DBT: variants seen among roughly 807,000 people sequenced by gnomAD.
DBT encodes dihydrolipoamide branched chain transacylase E2.
Under a neutral mutation model 51.3 loss-of-function variants are expected in DBT, and 40 were observed. That is an observed-to-expected ratio of 0.78 (90% CI 0.61 to 1.02). DBT has a LOEUF of 1.02. Ranked by LOEUF, DBT falls within the 50% of genes least tolerant of loss-of-function variation. The pLI is 0.00. For synonymous variants in DBT, 181 were observed against 190.4 expected (o/e 0.95, Z 0.41); for missense variants, 510 against 580.2 (o/e 0.88, Z 1.24).
rs113229931 is a variant in DBT, at chr1:100,205,926, G to A, written c.1281+304C>T. 3.9e-4 allele frequency among the ~76,000 whole-genome samples: 60 copies of A among 152,218 alleles called. 1 individual carries two copies. Among genetic ancestry groups the A allele is most frequent in the African/African-American group, 1.2e-3 (49 of 41,546 alleles). ...GAACACCATACACTGGGGACCTGTC[G>A]TGGGGTCTGGGGCTAGGGGAGGAAT... is the stretch of plus-strand genomic sequence containing the variant. On this transcript the variant is annotated intron_variant, in intron 10 of 10. Transcript: ENST00000370132.
intron 1 of DBT, among the ~76,000 whole-genome samples, chr1:100,245,211 A>G (rs927714590): frequency 6.6e-6 from 1 of 151,580 alleles, no homozygotes; most frequent in Admixed American, 6.6e-5. Context: ...CCCATCTCAA[A>G]TAATAATAAT....
chr1:100,199,399 TAATGA>T (rs1661300881), intron 10 of DBT, among the ~76,000 whole-genome samples: 1 of 152,226 alleles, frequency 6.6e-6, no homozygotes, highest in African/African-American at 2.4e-5. Flanking sequence ...TTCTTTGGTA[TAATGA>T]AATAAAGATA....
At chr1:100,204,767 A>C (rs1661666103) in intron 10 of DBT, among the ~76,000 whole-genome samples, 1 of 152,178 alleles carries the variant, frequency 6.6e-6, no homozygotes, top group Non-Finnish European at 1.5e-5. Flanking sequence ...AGATAGACCA[A>C]TGGAACCGCA....
intron 7 of DBT, among the ~76,000 whole-genome samples, chr1:100,214,349 C>G (rs1662358400): frequency 6.6e-6 from 1 of 152,100 alleles, no homozygotes; most frequent in Non-Finnish European, 1.5e-5. Context: ...TTATAATTTC[C>G]TATTGAACAA....
intron 1 of DBT, among the ~76,000 whole-genome samples, chr1:100,246,788 A>G (rs1369624715): frequency 1.3e-5 from 2 of 152,344 alleles, no homozygotes; most frequent in East Asian, 1.9e-4. Context: ...GTGAAAGGTA[A>G]AGACAAGTAA....
In DBT at chr1:100,210,754, T is replaced by C; in HGVS notation, c.957A>G (p.Leu319=). The change falls in exon 8 of 11, where the codon TTA becomes TTG. Residue 319 remains leucine, a synonymous_variant. Transcript: ENST00000370132. ...PFFLKAASLG[L]LQFPILNASV... is the part of the protein sequence containing the mutation. ...AAGCGTTAAGGATAGGAAACTGTAG[T>C]AATCCCAAGGAAGCAGCCTGTTTAA... is the stretch of plus-strand genomic sequence containing the variant. The C allele has an allele frequency of 1.2e-6, 2 of 1,613,652 alleles. No individual in the cohort carries two copies. Among genetic ancestry groups the C allele is most frequent in the Non-Finnish European group, 1.7e-6 (2 of 1,179,626 alleles).
intron 4 of DBT, among the ~76,000 whole-genome samples, chr1:100,226,608 T>C (rs550687051): frequency 2.5e-4 from 38 of 152,234 alleles, no homozygotes; most frequent in Admixed American, 5.9e-4. Flanking sequence ...AAAAGAAATT[T>C]AGAATCAAAG....
At chr1:100,218,940 G>A (rs1330302015) in intron 4 of DBT, among the ~76,000 whole-genome samples, 193 bp from the exon 5 acceptor site, 1 of 151,414 alleles carries the variant, frequency 6.6e-6, no homozygotes, top group African/African-American at 2.4e-5. Flanking sequence ...AGTGGGGGGG[G>A]GGGTGTGTGC....
chr1:100,216,595 A>G (rs894135526), intron 5 of DBT, among the ~76,000 whole-genome samples: 7 of 152,180 alleles, frequency 4.6e-5, no homozygotes, highest in Admixed American at 1.3e-4. Flanking sequence ...TTACATTTTT[A>G]TACTCAAGTA....
chr1:100,222,574 A>G (rs988066616), intron 4 of DBT, among the ~76,000 whole-genome samples: 2 of 152,198 alleles, frequency 1.3e-5, no homozygotes, highest in Non-Finnish European at 2.9e-5. Context: ...AACCTCTCAG[A>G]GTCTCAATGG....
At chr1:100,210,094 T>G (rs1043485177) in intron 8 of DBT, among the ~76,000 whole-genome samples, 6 of 151,870 alleles carry the variant, frequency 4.0e-5, no homozygotes, top group Admixed American at 3.9e-4. Flanking sequence ...GGAGGATTGC[T>G]TAGACCAGAA....
At chr1:100,207,525 T>C (rs1406926739) in intron 8 of DBT, among the ~76,000 whole-genome samples, 2 of 151,010 alleles carry the variant, frequency 1.3e-5, no homozygotes, top group East Asian at 3.9e-4. Context: ...AAGAGAAAAA[T>C]GCAGCCATTG....
intron 10 of DBT, among the ~76,000 whole-genome samples, chr1:100,204,609 AT>A (rs1661652335): frequency 6.6e-6 from 1 of 152,094 alleles, no homozygotes; most frequent in African/African-American, 2.4e-5. Context: ...ACTACTTTAA[AT>A]TTTATATGGA....
intron 10 of DBT, among the ~76,000 whole-genome samples, chr1:100,202,126 T>C (rs1661470807): frequency 6.6e-6 from 1 of 151,464 alleles, no homozygotes; most frequent in Non-Finnish European, 1.5e-5. Flanking sequence ...GGATAAAGAG[T>C]CAAGACCCAT....
chr1:100,213,719 T>C, intron 7 of DBT: 4 of 1,576,362 alleles, frequency 2.5e-6, no homozygotes, highest in Non-Finnish European at 3.4e-6. Context: ...CTTTTTCTAA[T>C]GTAAATGTTG....
At chr1:100,212,760 C>T (rs1458277979) in intron 7 of DBT, among the ~76,000 whole-genome samples, 1 of 152,064 alleles carries the variant, frequency 6.6e-6, no homozygotes, top group African/African-American at 2.4e-5. Context: ...GGTGTTTGAT[C>T]GAGAAGAACG....
intron 8 of DBT, 100 bp from the exon 9 acceptor site, chr1:100,206,736 C>A: frequency 2.6e-6 from 2 of 770,892 alleles, no homozygotes; most frequent in East Asian, 2.4e-5. Flanking sequence ...TACCAAAACT[C>A]ATTTTTACCA....
chr1:100,222,142 C>T (rs4443909), intron 4 of DBT, among the ~76,000 whole-genome samples: 120,919 of 152,084 alleles, frequency 0.8, 49,430 homozygotes, highest in East Asian at 0.95. Flanking sequence ...ATAGGCTATA[C>T]AAAATGAACA....
chr1:100,235,432 T>A lies in DBT; in HGVS notation c.251+4A>T. The A allele has an allele frequency of 6.9e-7, 1 of 1,450,754 alleles. No homozygotes were observed. The highest frequency in any genetic ancestry group is 1.4e-5 in the African/African-American group (1 of 71,890). The allele number at this position is 1,450,754 out of a possible 1,614,324, so 89.9% of individuals were successfully genotyped here. A position where few individuals can be genotyped will look rare whatever the true frequency, so the allele number is the denominator to read the frequency against. ...ACTTAAGAGCTTTTTTCAGATTCAC[T>A]TACCATTCTTTAACAGTTACTTCTC... On this transcript the variant is annotated splice_donor_region_variant and intron_variant, in intron 3 of 10. Coordinates refer to ENST00000370132, the MANE Select transcript of DBT (RefSeq NM_001918.5).
Sources: allele counts gnomAD v4.1 joint callset (sites outside exome capture counted in the v4.1 genomes callset), GRCh38; gene constraint gnomAD v4.1.1; transcripts MANE v1.5; gene names NCBI Gene and HGNC (gene_info 2026-07-23, HGNC 2026-07-21).